Variants in CR1L observed in about 807,000 individuals in gnomAD.
CR1L encodes the protein complement component receptor 1-like protein.
CR1L carries 59 observed loss-of-function variants against 62.3 expected under a neutral mutation model. The ratio of observed to expected loss-of-function variants is 0.95; its 90% CI spans 0.77 to 1.18. The LOEUF is 1.18. Ranked by LOEUF, CR1L falls within the 50% of genes most tolerant of loss-of-function variation. CR1L has a pLI of 0.00. For missense variants in CR1L, 700 were observed against 702.8 expected (o/e 1.00, Z 0.04); for synonymous variants, 279 against 248.7 (o/e 1.12, Z -1.15).
intron 3 of CR1L, among the ~76,000 whole-genome samples, chr1:207,678,572 G>T (rs1490444698): frequency 6.6e-6 from 1 of 152,210 alleles, no homozygotes; most frequent in Non-Finnish European, 1.5e-5. Flanking sequence ...GAAGAGTATA[G>T]TCAAAGCACA....
In CR1L at chr1:207,697,877, A is replaced by C; in HGVS notation, c.1142+4A>C. ...TGGATTTTGTTTGTGATGAAGGGTG[A>C]GTATGAGCTTGCCTGACCTGCTGGA... On this transcript the variant is annotated splice_donor_region_variant and intron_variant, in intron 7 of 11. Transcript: ENST00000508064. 1 of 1,613,870 alleles carries C rather than the reference A, an allele frequency of 6.2e-7. No homozygotes were observed.
chr1:207,712,898 TCA>T (rs933609659), intron 10 of CR1L, among the ~76,000 whole-genome samples: 47 of 152,330 alleles, frequency 3.1e-4, no homozygotes, highest in African/African-American at 1.1e-3. Context: ...GACCAAGGAC[TCA>T]GTGTGGAGAA....
At chr1:207,655,523 A>G (rs1663294433) in intron 1 of CR1L, among the ~76,000 whole-genome samples, 1 of 152,102 alleles carries the variant, frequency 6.6e-6, no homozygotes, top group African/African-American at 2.4e-5. Flanking sequence ...CCCAGGCTGG[A>G]GCACAGTGGC....
At chr1:207,722,692 C>T (rs1654165445) in intron 11 of CR1L, among the ~76,000 whole-genome samples, 3 of 151,830 alleles carry the variant, frequency 2.0e-5, no homozygotes, top group African/African-American at 7.3e-5. Context: ...TGTGAACACC[C>T]AATAAAAAGT....
chr1:207,703,851 G>A (rs1388352418), intron 9 of CR1L, among the ~76,000 whole-genome samples: 1 of 152,170 alleles, frequency 6.6e-6, no homozygotes, highest in Non-Finnish European at 1.5e-5. Flanking sequence ...CTACTCAGGA[G>A]GCTGAGGCAG....
chr1:207,661,571 C>CT (rs1663424770), intron 1 of CR1L, among the ~76,000 whole-genome samples: 1 of 152,142 alleles, frequency 6.6e-6, no homozygotes, highest in Admixed American at 6.5e-5. Flanking sequence ...CTGAAAACAG[C>CT]ACACTGATGG....
At chr1:207,690,186 G>A (rs1359259647) in intron 4 of CR1L, among the ~76,000 whole-genome samples, 4 of 151,896 alleles carry the variant, frequency 2.6e-5, no homozygotes, top group Non-Finnish European at 5.9e-5. Flanking sequence ...ATATTGATTA[G>A]ATAATTTGTT....
intron 9 of CR1L, among the ~76,000 whole-genome samples, chr1:207,704,307 A>G (rs541371893): frequency 2.7e-4 from 41 of 152,378 alleles, no homozygotes; most frequent in African/African-American, 9.4e-4. Flanking sequence ...TCAAACTTGA[A>G]CAGAAGAGGA....
intron 9 of CR1L, among the ~76,000 whole-genome samples, chr1:207,706,835 A>C (rs115256655): frequency 6.6e-6 from 1 of 152,210 alleles, no homozygotes. Flanking sequence ...TGAGATAGAA[A>C]AGTGGTAAAA....
intron 8 of CR1L, among the ~76,000 whole-genome samples, chr1:207,701,163 G>A (rs17049196): frequency 0.29 from 43,763 of 152,062 alleles, 6,431 homozygotes; most frequent in East Asian, 0.4. Flanking sequence ...AGGAAATAAA[G>A]ATTGTGTAGG....
intron 10 of CR1L, chr1:207,708,965 G>T (rs1664311280): frequency 2.8e-6 from 1 of 353,870 alleles, no homozygotes; most frequent in Admixed American, 3.9e-5. Context: ...TGCATTCAGG[G>T]TGGTATGGCT....
At chr1:207,657,507 C>T (rs529692691) in intron 1 of CR1L, 14 of 408,464 alleles carry the variant, frequency 3.4e-5, no homozygotes, top group Non-Finnish European at 6.1e-5. Context: ...TTTTCACCCC[C>T]ACATGTTCTT....
intron 11 of CR1L, among the ~76,000 whole-genome samples, chr1:207,718,265 T>C (rs1469227406): frequency 6.6e-6 from 1 of 152,198 alleles, no homozygotes; most frequent in Non-Finnish European, 1.5e-5. Flanking sequence ...AGTCTGAGAC[T>C]GTACTCTTAG....
chr1:207,717,777 C>G, intron 11 of CR1L, 86 bp downstream of exon 11: 1 of 1,525,172 alleles, frequency 6.6e-7, no homozygotes, highest in South Asian at 1.2e-5. Context: ...GTCATTTTTG[C>G]TTGTGAAAAT....
chr1:207,651,459 C>A (rs527482574), intron 1 of CR1L, among the ~76,000 whole-genome samples: 1 of 152,240 alleles, frequency 6.6e-6, no homozygotes, highest in South Asian at 2.1e-4. Context: ...CAACCTGAGG[C>A]AGGACCATGA....
intron 1 of CR1L, chr1:207,655,159 C>T (rs1240026473): frequency 1.9e-6 from 1 of 520,080 alleles, no homozygotes. Flanking sequence ...AATTGCTATA[C>T]AAAACAGTAA....
intron 9 of CR1L, among the ~76,000 whole-genome samples, chr1:207,706,705 C>G (rs1173725531): frequency 6.6e-6 from 1 of 152,078 alleles, no homozygotes; most frequent in East Asian, 1.9e-4. Flanking sequence ...TCTAGAGGCT[C>G]CAGATACACA....
At chr1:207,675,171 G>C (rs947280648) in intron 1 of CR1L, among the ~76,000 whole-genome samples, 31 of 152,062 alleles carry the variant, frequency 2.0e-4, no homozygotes, top group African/African-American at 7.5e-4. Flanking sequence ...TATCTTTTGA[G>C]AGAAATAGAT....
At chr1:207,723,172 C>G (rs1252850813) in intron 11 of CR1L, among the ~76,000 whole-genome samples, 1 of 152,160 alleles carries the variant, frequency 6.6e-6, no homozygotes, top group East Asian at 1.9e-4. Flanking sequence ...TGGCTCGCGC[C>G]TGTATTCCCA....
Sources: allele counts gnomAD v4.1 joint callset (sites outside exome capture counted in the v4.1 genomes callset), GRCh38; gene constraint gnomAD v4.1.1; transcripts MANE v1.5; gene names NCBI Gene and HGNC (gene_info 2026-07-23, HGNC 2026-07-21).